CADM2: variants seen among roughly 807,000 people sequenced by gnomAD.
CADM2 encodes immunoglobulin superfamily member 4D.
A neutral mutation model predicts 49.8 loss-of-function variants in CADM2; 12 were observed. The ratio of observed to expected loss-of-function variants is 0.24; its 90% CI spans 0.15 to 0.39. CADM2 has a LOEUF of 0.39. Among genes scored for constraint, CADM2 ranks in the 10% least tolerant of loss-of-function variants. The pLI is 1.00. For missense variants in CADM2, 378 were observed against 492.3 expected (o/e 0.77, Z 2.20); for synonymous variants, 214 against 175.4 (o/e 1.22, Z -1.74).
intron 1 of CADM2, among the ~76,000 whole-genome samples, chr3:85,498,702 C>T (rs62250749): frequency 0.018 from 2,738 of 152,106 alleles, 33 homozygotes; most frequent in Middle Eastern, 0.051. Flanking sequence ...AACGGAAACA[C>T]GCATAAAATA....
intron 1 of CADM2, among the ~76,000 whole-genome samples, chr3:85,170,672 C>A (rs1237650154): frequency 1.3e-5 from 2 of 152,156 alleles, no homozygotes; most frequent in African/African-American, 4.8e-5. Context: ...CATGGCTTTT[C>A]TCTGCAGTGC....
At chr3:85,354,620 G>GAGAGAGAA (rs2107252936) in intron 1 of CADM2, among the ~76,000 whole-genome samples, 1 of 150,180 alleles carries the variant, frequency 6.7e-6, no homozygotes, top group East Asian at 2.0e-4. Flanking sequence ...ATACCTAACA[G>GAGAGAGAA]AGAGAGAGAG....
intron 1 of CADM2, among the ~76,000 whole-genome samples, chr3:85,044,327 A>T (rs1465681986): frequency 6.6e-6 from 1 of 152,134 alleles, no homozygotes; most frequent in African/African-American, 2.4e-5. Context: ...CCACCATAAA[A>T]AAAGACCTGG....
chr3:85,827,632 T>C (rs2073981427), intron 3 of CADM2, among the ~76,000 whole-genome samples: 1 of 152,086 alleles, frequency 6.6e-6, no homozygotes, highest in South Asian at 2.1e-4. Flanking sequence ...GACCAGAGGC[T>C]ACTAGAGAGA....
intron 1 of CADM2, among the ~76,000 whole-genome samples, chr3:85,398,784 G>A (rs899448174): frequency 6.6e-6 from 1 of 152,156 alleles, no homozygotes. Flanking sequence ...TAATGTGTCT[G>A]TTGGCTGCAT....
At chr3:85,498,466 T>G (rs2039991951) in intron 1 of CADM2, among the ~76,000 whole-genome samples, 1 of 152,152 alleles carries the variant, frequency 6.6e-6, no homozygotes. Context: ...CTATAGTGAA[T>G]GATGAAACTA....
intron 1 of CADM2, among the ~76,000 whole-genome samples, chr3:85,315,476 A>C (rs1050809775): frequency 6.6e-6 from 1 of 152,326 alleles, no homozygotes. Flanking sequence ...GAGTAAAACT[A>C]AATAGCAAAG....
At chr3:85,319,915 G>A (rs1364699939) in intron 1 of CADM2, among the ~76,000 whole-genome samples, 3 of 152,114 alleles carry the variant, frequency 2.0e-5, no homozygotes, top group Non-Finnish European at 4.4e-5. Context: ...ATGTACCCCT[G>A]AACCTAAATA....
intron 6 of CADM2, among the ~76,000 whole-genome samples, chr3:85,921,442 A>T (rs1416912388): frequency 6.6e-6 from 1 of 152,012 alleles, no homozygotes; most frequent in African/African-American, 2.4e-5. Context: ...AAAGATTGTT[A>T]TTGCTATTTA....
At chr3:84,990,069 G>C (rs182629220) in intron 1 of CADM2, among the ~76,000 whole-genome samples, 1 of 151,788 alleles carries the variant, frequency 6.6e-6, no homozygotes, top group African/African-American at 2.4e-5. Context: ...TTCTACTAAA[G>C]AGGCATTTAA....
At chr3:85,403,280 C>T (rs1208796218) in intron 1 of CADM2, among the ~76,000 whole-genome samples, 1 of 152,052 alleles carries the variant, frequency 6.6e-6, no homozygotes, top group African/African-American at 2.4e-5. Context: ...TAGTTCTTTA[C>T]TGCACACCAA....
intron 1 of CADM2, among the ~76,000 whole-genome samples, chr3:85,698,994 A>G (rs183509366): frequency 2.0e-5 from 3 of 152,342 alleles, no homozygotes; most frequent in Non-Finnish European, 2.9e-5. Context: ...CCAAGCTACA[A>G]TGGGGTACAG....
chr3:84,985,235 C>T (rs976035066), intron 1 of CADM2, among the ~76,000 whole-genome samples: 10 of 151,960 alleles, frequency 6.6e-5, no homozygotes, highest in African/African-American at 2.4e-4. Context: ...CCTTTGTAAC[C>T]TTATGAACTA....
chr3:85,561,268 C>T (rs551574667), intron 1 of CADM2, among the ~76,000 whole-genome samples: 1 of 152,078 alleles, frequency 6.6e-6, no homozygotes, highest in East Asian at 1.9e-4. Flanking sequence ...ATTTATGTTG[C>T]TTAATTTTTT....
intron 6 of CADM2, among the ~76,000 whole-genome samples, chr3:85,923,907 T>C (rs1201984073): frequency 1.3e-5 from 2 of 152,218 alleles, no homozygotes; most frequent in African/African-American, 4.8e-5. Flanking sequence ...TGATTAGTTG[T>C]TACTGTGTGG....
rs374763892 is a variant in CADM2 at position 85,855,617 on chromosome 3, A to ATATATATATATATAT, written c.239-27674_239-27673insTATATATATATATAT. Reference sequence around the variant, plus strand: ...ATATATAAAACATATATATATATATAAAACATATATATATATATATATATT... The same window carrying ATATATATATATATAT: ...ATATATAAAACATATATATATATATATATATATATATATATAAACATATATATATATATATATATT... On this transcript the variant is annotated intron_variant, in intron 3 of 9. Transcript: ENST00000383699. Among the ~76,000 whole-genome samples the ATATATATATATATAT allele has an allele frequency of 3.4e-3, 144 of 42,192 alleles. 2 individuals carry two copies. Among genetic ancestry groups the ATATATATATATATAT allele is most frequent in the Non-Finnish European group, 4.4e-3 (93 of 21,100 alleles). The allele number at this position is 42,192 out of a possible 152,430, so 27.7% of individuals were successfully genotyped here.
At chr3:85,064,310 T>C (rs2036444238) in intron 1 of CADM2, among the ~76,000 whole-genome samples, 2 of 152,146 alleles carry the variant, frequency 1.3e-5, no homozygotes, top group African/African-American at 4.8e-5. Context: ...ACACATATTC[T>C]AAAACTGGAC....
chr3:85,260,176 G>A (rs963876151), intron 1 of CADM2, among the ~76,000 whole-genome samples: 4 of 151,762 alleles, frequency 2.6e-5, no homozygotes, highest in Non-Finnish European at 4.4e-5. Context: ...AATTAGTTTG[G>A]CATGAATATA....
chr3:85,951,984 A>G (rs1723480319), intron 7 of CADM2, among the ~76,000 whole-genome samples: 1 of 150,982 alleles, frequency 6.6e-6, no homozygotes, highest in African/African-American at 2.4e-5. Context: ...TAAAGAATAA[A>G]GGAAAATAGT....
Sources: gnomAD v4.1 joint callset for allele counts (sites outside exome capture counted in the v4.1 genomes callset) on GRCh38, gnomAD v4.1.1 for gene constraint, MANE v1.5 for transcripts, NCBI Gene and HGNC (gene_info 2026-07-23, HGNC 2026-07-21) for gene names.